PARVA: variants seen among roughly 807,000 people sequenced by gnomAD.
The protein encoded by PARVA is alpha-parvin.
A neutral mutation model predicts 52.6 loss-of-function variants in PARVA; 25 were observed. The observed-to-expected ratio is 0.48, with a 90% CI of 0.35 to 0.66. PARVA has a LOEUF of 0.66. PARVA is among the 30% of genes least tolerant of loss of function. The pLI is 0.01. For synonymous variants in PARVA, 185 were observed against 179.1 expected, an observed-to-expected ratio of 1.03 and a Z score of -0.26; for missense variants, 373 against 450.9, an observed-to-expected ratio of 0.83 and a Z score of 1.56.
intron 1 of PARVA, among the ~76,000 whole-genome samples, chr11:12,384,701 T>C (rs1440773863): frequency 1.3e-5 from 2 of 152,058 alleles, no homozygotes; most frequent in African/African-American, 4.8e-5. Context: ...GTGGAAGGAA[T>C]GACAGATGCA....
At position 12,531,037 on chromosome 11, in the gene PARVA, G is replaced by C. The variant is rs1253268360; in HGVS notation, c.*3112G>C. On this transcript the variant is annotated 3_prime_UTR_variant, in exon 13 of 13. Transcript: ENST00000334956. ...CCTTATGGTGAATTGTATGCAGATT[G>C]ATGAAGGTTTCATTTTTATATATTA... Among the ~76,000 whole-genome samples the C allele has an allele frequency of 6.6e-6, 1 of 152,188 alleles. No homozygotes were observed. The highest frequency in any genetic ancestry group is 1.5e-5 in the Non-Finnish European group (1 of 68,032).
chr11:12,534,385 C>T lies in PARVA; in HGVS notation c.*6460C>T, dbSNP rs2135101101. Among the ~76,000 whole-genome samples, 1 of 152,286 alleles carries T rather than the reference C, an allele frequency of 6.6e-6. No homozygotes were observed. Among genetic ancestry groups the T allele is most frequent in the Admixed American group, 6.5e-5 (1 of 15,298 alleles). On this transcript the variant is annotated 3_prime_UTR_variant, in exon 13 of 13. Transcript: ENST00000334956. The stretch of plus-strand genomic sequence containing the variant: ...GCTTCTCCTCGGTGGACCCCCTGGG[C>T]TGAGCAGCCTGTGTTCCTGCCTCAA...
intron 4 of PARVA, among the ~76,000 whole-genome samples, chr11:12,482,830 A>C (rs60467062): frequency 0.012 from 1,760 of 152,284 alleles, 24 homozygotes; most frequent in African/African-American, 0.033. Flanking sequence ...AGTTATGTCC[A>C]CCTGGCCCCA....
chr11:12,445,299 G>A (rs1940529236), intron 1 of PARVA, among the ~76,000 whole-genome samples: 1 of 152,134 alleles, frequency 6.6e-6, no homozygotes, highest in South Asian at 2.1e-4. Context: ...GAAACGGGAG[G>A]GATGTGAATG....
At chr11:12,382,147 G>A (rs953185270) in intron 1 of PARVA, among the ~76,000 whole-genome samples, 7 of 152,216 alleles carry the variant, frequency 4.6e-5, no homozygotes, top group Admixed American at 3.9e-4. Flanking sequence ...AATTATTACA[G>A]TGGTACAGTA....
chr11:12,463,953 C>T (rs1940818964), intron 1 of PARVA, among the ~76,000 whole-genome samples: 1 of 149,180 alleles, frequency 6.7e-6, no homozygotes, highest in Non-Finnish European at 1.5e-5. Context: ...TCAATCAGCT[C>T]CTGTGAGCCT....
chr11:12,510,171 A>G (rs1941487767), intron 7 of PARVA, among the ~76,000 whole-genome samples: 2 of 151,730 alleles, frequency 1.3e-5, no homozygotes, highest in Non-Finnish European at 2.9e-5. Context: ...ACCCCCTAAA[A>G]CCCCACAGCC....
intron 1 of PARVA, among the ~76,000 whole-genome samples, chr11:12,385,774 T>G (rs760431045): frequency 3.3e-5 from 5 of 152,174 alleles, no homozygotes; most frequent in Admixed American, 1.3e-4. Context: ...AAAAGATGCT[T>G]CTTTTGTTTC....
At chr11:12,472,945 G>C (rs1029527624) in intron 1 of PARVA, among the ~76,000 whole-genome samples, 4 of 152,186 alleles carry the variant, frequency 2.6e-5, no homozygotes, top group Non-Finnish European at 5.9e-5. Flanking sequence ...GTGGGGGCTG[G>C]TCACTTGGAG....
rs1180513356 is a variant in PARVA, at chr11:12,528,498, G to C, written c.*573G>C. 1 of 154,840 alleles carries C rather than the reference G, an allele frequency of 6.5e-6. No homozygotes were observed. The highest frequency in any genetic ancestry group is 1.9e-4 in the East Asian group (1 of 5,286). 9.6% of individuals were successfully genotyped at this position (154,840 alleles called of 1,614,324 possible). A position where few individuals can be genotyped will look rare whatever the true frequency, so the allele number is the denominator to read the frequency against. ...CCACTATTCTGAGTCCAATCATCAA[G>C]GTTTTGCTTTTCTTTTTAGCTAAGT... On this transcript the variant is annotated 3_prime_UTR_variant, in exon 13 of 13. Transcript: ENST00000334956.
chr11:12,458,908 G>A (rs1940735999), intron 1 of PARVA, among the ~76,000 whole-genome samples: 1 of 152,154 alleles, frequency 6.6e-6, no homozygotes, highest in African/African-American at 2.4e-5. Context: ...ACCCCCACAT[G>A]ACCAGCTCAG....
chr11:12,450,176 CTAAGAA>C (rs934568727), intron 1 of PARVA, among the ~76,000 whole-genome samples: 1 of 152,150 alleles, frequency 6.6e-6, no homozygotes, highest in African/African-American at 2.4e-5. Context: ...CACATTAGTA[CTAAGAA>C]TAATAGTAGT....
intron 9 of PARVA, 183 bp downstream of exon 9, chr11:12,513,543 G>A (rs1390717946): frequency 1.4e-6 from 1 of 714,250 alleles, no homozygotes; most frequent in Non-Finnish European, 2.6e-6. Context: ...TGTTGCACCT[G>A]GGCCTTTTCC....
intron 5 of PARVA, among the ~76,000 whole-genome samples, chr11:12,500,120 A>G (rs1280804684): frequency 1.3e-5 from 2 of 152,202 alleles, no homozygotes; most frequent in Non-Finnish European, 2.9e-5. Flanking sequence ...TTAAGGTCAT[A>G]GTACATAATG....
chr11:12,490,939 AAC>A (rs1454460106), intron 4 of PARVA, among the ~76,000 whole-genome samples: 1 of 152,168 alleles, frequency 6.6e-6, no homozygotes, highest in Admixed American at 6.5e-5. Flanking sequence ...AAATAATAGA[AAC>A]AGAGTATATA....
intron 1 of PARVA, among the ~76,000 whole-genome samples, chr11:12,397,819 C>CTT (rs569053771): frequency 1.8e-4 from 24 of 136,148 alleles, no homozygotes; most frequent in South Asian, 9.6e-4. Flanking sequence ...GGGGGAAGGT[C>CTT]TTTTTTTTTT....
chr11:12,463,084 AG>A (rs928950304), intron 1 of PARVA, among the ~76,000 whole-genome samples: 3 of 152,094 alleles, frequency 2.0e-5, no homozygotes, highest in Non-Finnish European at 4.4e-5. Flanking sequence ...AAAATTGCAA[AG>A]GGAGTACAGA....
chr11:12,481,667 G>A (rs1037784041), intron 4 of PARVA, among the ~76,000 whole-genome samples: 3 of 152,100 alleles, frequency 2.0e-5, no homozygotes, highest in Non-Finnish European at 4.4e-5. Context: ...CTTACGTGGT[G>A]GTATTAACTA....
intron 1 of PARVA, among the ~76,000 whole-genome samples, chr11:12,424,696 C>G (rs1274232292): frequency 1.3e-5 from 2 of 152,118 alleles, no homozygotes; most frequent in Admixed American, 6.5e-5. Flanking sequence ...GAATAACACT[C>G]AAGCCCAGAT....
Sources: gnomAD v4.1 joint callset for allele counts (sites outside exome capture counted in the v4.1 genomes callset) on GRCh38, gnomAD v4.1.1 for gene constraint, MANE v1.5 for transcripts, NCBI Gene and HGNC (gene_info 2026-07-23, HGNC 2026-07-21) for gene names.